MBNL1: variants seen among roughly 807,000 people sequenced by gnomAD.
MBNL1 encodes muscleblind like splicing regulator 1, also known as muscleblind-like protein 1.
In MBNL1, 8 loss-of-function variants were observed where a neutral mutation model predicts 42.2. That is an observed-to-expected ratio of 0.19 (90% CI 0.11 to 0.34). MBNL1 has a LOEUF of 0.34. MBNL1 is among the 10% of genes least tolerant of loss of function. The probability of loss-of-function intolerance (pLI) is 1.00; values close to 1 mark genes in which losing one functional copy is unlikely to be tolerated. For synonymous variants in MBNL1, 169 were observed against 173.9 expected (o/e 0.97, Z 0.22); for missense variants, 309 against 495.3 (o/e 0.62, Z 3.57).
intron 3 of MBNL1, among the ~76,000 whole-genome samples, chr3:152,415,991 A>G (rs568938532): frequency 1.2e-3 from 190 of 152,308 alleles, no homozygotes; most frequent in Middle Eastern, 6.8e-3. Context: ...GAAATTTGCA[A>G]TTATCAGAAT....
chr3:152,401,830 C>T (rs2153555726), intron 2 of MBNL1, among the ~76,000 whole-genome samples: 1 of 152,026 alleles, frequency 6.6e-6, no homozygotes, highest in South Asian at 2.1e-4. Context: ...TCGAGACCAT[C>T]CTGGCTAACA....
intron 2 of MBNL1, among the ~76,000 whole-genome samples, chr3:152,253,241 A>C (rs2034932148): frequency 6.6e-6 from 1 of 152,046 alleles, no homozygotes. Context: ...TTGTTTACTA[A>C]ATAGTACCAC....
At chr3:152,447,887 A>G in intron 6 of MBNL1, 114 bp downstream of exon 6, 1 of 902,888 alleles carries the variant, frequency 1.1e-6, no homozygotes, top group Non-Finnish European at 1.6e-6. Flanking sequence ...GGTGTCAGGT[A>G]AGGTGGTCAA....
At chr3:152,252,642 A>T (rs1046376549) in intron 2 of MBNL1, among the ~76,000 whole-genome samples, 1 of 152,080 alleles carries the variant, frequency 6.6e-6, no homozygotes, top group Admixed American at 6.6e-5. Context: ...CCTCCTTTGC[A>T]TTCCAAAAAG....
At chr3:152,446,249 T>A (rs2099222921) in intron 5 of MBNL1, among the ~76,000 whole-genome samples, 1 of 152,136 alleles carries the variant, frequency 6.6e-6, no homozygotes, top group Non-Finnish European at 1.5e-5. Flanking sequence ...TGCTTACCTG[T>A]TTTAATGTTG....
chr3:152,250,859 C>T (rs2034405789), intron 2 of MBNL1, among the ~76,000 whole-genome samples: 1 of 152,026 alleles, frequency 6.6e-6, no homozygotes, highest in Non-Finnish European at 1.5e-5. Flanking sequence ...AAGGCCTTTT[C>T]TGCATCTGTT....
chr3:152,387,872 A>G (rs78092086), intron 2 of MBNL1, among the ~76,000 whole-genome samples: 2,878 of 152,278 alleles, frequency 0.019, 98 homozygotes, highest in African/African-American at 0.066. Context: ...ATTTATTGCT[A>G]GTAGTCTAAG....
chr3:152,281,551 T>C (rs774210480), intron 1 of MBNL1, among the ~76,000 whole-genome samples: 1 of 152,154 alleles, frequency 6.6e-6, no homozygotes, highest in African/African-American at 2.4e-5. Context: ...GTATTAGTTC[T>C]ACTCATACCT....
intron 1 of MBNL1, among the ~76,000 whole-genome samples, chr3:152,285,461 A>G (rs1419544231): frequency 6.6e-6 from 1 of 152,206 alleles, no homozygotes; most frequent in Non-Finnish European, 1.5e-5. Context: ...AAATAATATA[A>G]CCAACCATCT....
chr3:152,395,262 C>G (rs2097882082), intron 2 of MBNL1, among the ~76,000 whole-genome samples: 1 of 152,172 alleles, frequency 6.6e-6, no homozygotes, highest in East Asian at 1.9e-4. Context: ...GATTTTGTAG[C>G]AGACATGTTA....
At chr3:152,268,881 A>C (rs1400248147), upstream of MBNL1, 2 of 453,902 alleles carry the variant, frequency 4.4e-6, no homozygotes, top group Admixed American at 2.4e-5. Flanking sequence ...GCGCAGCAGC[A>C]GCGGAAGCCA....
intron 1 of MBNL1, among the ~76,000 whole-genome samples, chr3:152,279,521 C>T (rs2047169161): frequency 6.6e-6 from 1 of 151,894 alleles, no homozygotes; most frequent in South Asian, 2.1e-4. Flanking sequence ...GTATTTTCAT[C>T]TTTTTTGCTT....
At chr3:152,336,550 G>A (rs1380352362) in intron 2 of MBNL1, among the ~76,000 whole-genome samples, 1 of 152,114 alleles carries the variant, frequency 6.6e-6, no homozygotes, top group Non-Finnish European at 1.5e-5. Context: ...TATTTTTAAA[G>A]GAAAATTTAG....
chr3:152,390,093 C>T (rs941736131), intron 2 of MBNL1, among the ~76,000 whole-genome samples: 4 of 151,496 alleles, frequency 2.6e-5, no homozygotes, highest in Non-Finnish European at 5.9e-5. Context: ...TGGTCTCGAA[C>T]TCCTGACCTT....
At chr3:152,246,826 A>G (rs1237251361) in intron 2 of MBNL1, among the ~76,000 whole-genome samples, 2 of 152,036 alleles carry the variant, frequency 1.3e-5, no homozygotes, top group African/African-American at 4.8e-5. Flanking sequence ...TATTGGGTCC[A>G]GGGTTGATGC....
At chr3:152,302,793 A>C (rs2061271364) in intron 2 of MBNL1, among the ~76,000 whole-genome samples, 1 of 152,150 alleles carries the variant, frequency 6.6e-6, no homozygotes, top group Admixed American at 6.5e-5. Flanking sequence ...TGTCCTGTGT[A>C]TTGCTTAAAT....
chr3:152,336,156 CAT>C (rs1203045204), intron 2 of MBNL1, among the ~76,000 whole-genome samples: 2 of 134,752 alleles, frequency 1.5e-5, no homozygotes, highest in Non-Finnish European at 3.5e-5. Context: ...TTAATAACAA[CAT>C]AATTTTTATT....
chr3:152,274,256 G>A (rs1007240359), intron 1 of MBNL1, among the ~76,000 whole-genome samples: 1 of 152,100 alleles, frequency 6.6e-6, no homozygotes, highest in African/African-American at 2.4e-5. Context: ...TAAGCATTAC[G>A]TTGCTGACTT....
rs2059953666 is a variant in MBNL1 at position 152,299,609 on chromosome 3, TAAAAG to T, written c.-579_-575del. Reference sequence around the variant, plus strand: ...GCATTGCCCTAGGCTGCTTTAGTGTTAAAAGAAAAGTTTGCTGAAAAAGTAAGATA... The same window carrying T: ...GCATTGCCCTAGGCTGCTTTAGTGTTAAAAGTTTGCTGAAAAAGTAAGATA... On this transcript the variant is annotated 5_prime_UTR_variant, in exon 2 of 10. Coordinates refer to ENST00000324210, the MANE Select transcript of MBNL1 (RefSeq NM_021038.5). The T allele has an allele frequency of 2.5e-6, 1 of 398,392 alleles. No individual in the cohort carries two copies. Among genetic ancestry groups the T allele is most frequent in the Non-Finnish European group, 4.4e-6 (1 of 225,822 alleles). The allele number at this position is 398,392 out of a possible 1,614,324, so 24.7% of individuals were successfully genotyped here.
Sources: gnomAD v4.1 joint callset for allele counts (sites outside exome capture counted in the v4.1 genomes callset) on GRCh38, gnomAD v4.1.1 for gene constraint, MANE v1.5 for transcripts, NCBI Gene and HGNC (gene_info 2026-07-23, HGNC 2026-07-21) for gene names.